The following SRRM4 variants were observed in gnomAD, a reference collection of about 807,000 sequenced individuals.
The protein encoded by SRRM4 is serine/arginine repetitive matrix 4, also known as serine/arginine repetitive matrix protein 4.
SRRM4 carries 33 observed loss-of-function variants against 68.9 expected under a neutral mutation model. The observed-to-expected ratio is 0.48, with a 90% CI of 0.36 to 0.64. SRRM4 has a LOEUF of 0.64. SRRM4 is among the 30% of genes least tolerant of loss of function. The probability of loss-of-function intolerance (pLI) is 0.00; values close to 1 mark genes in which losing one functional copy is unlikely to be tolerated. For synonymous variants in SRRM4, 318 were observed against 318.8 expected (o/e 1.00, Z 0.03); for missense variants, 817 against 827.1 (o/e 0.99, Z 0.15).
At chr12:119,112,594 A>C (rs1213653886) in intron 2 of SRRM4, among the ~76,000 whole-genome samples, 1 of 152,254 alleles carries the variant, frequency 6.6e-6, no homozygotes, top group Non-Finnish European at 1.5e-5. Context: ...TGTGGTATAC[A>C]TATACCATGG....
intron 1 of SRRM4, among the ~76,000 whole-genome samples, chr12:119,003,870 C>A (rs1168673087): frequency 6.6e-6 from 1 of 152,034 alleles, no homozygotes; most frequent in African/African-American, 2.4e-5. Flanking sequence ...TTTCTTCTCT[C>A]TATAGACGAT....
At chr12:118,997,082 A>G (rs1312304785) in intron 1 of SRRM4, among the ~76,000 whole-genome samples, 1 of 152,232 alleles carries the variant, frequency 6.6e-6, no homozygotes, top group Non-Finnish European at 1.5e-5. Context: ...TATCCATGAA[A>G]AGGAAAAACC....
rs1242574859 is a variant in SRRM4, at chr12:119,158,705, A to T, written c.*1907A>T. Reference sequence around the variant, plus strand: ...TAAATAACCCTCGTCCCTGCCCAGGAACCCAGACTGGACTTCAGTCTCCCT... The same window carrying T: ...TAAATAACCCTCGTCCCTGCCCAGGTACCCAGACTGGACTTCAGTCTCCCT... On this transcript the variant is annotated 3_prime_UTR_variant, in exon 13 of 13. Coordinates refer to ENST00000267260, the MANE Select transcript of SRRM4 (RefSeq NM_194286.4). 6.6e-6 allele frequency: 1 copy of T among 152,612 alleles called. No individual in the cohort carries two copies. The highest frequency in any genetic ancestry group is 2.1e-4 in the South Asian group (1 of 4,832). The allele number at this position is 152,612 out of a possible 1,614,324, so 9.5% of individuals were successfully genotyped here.
At position 119,072,620 on chromosome 12, in the gene SRRM4, C is replaced by G. The variant is rs1163830818; in HGVS notation, c.132-29616C>G. Among the ~76,000 whole-genome samples the G allele has an allele frequency of 3.7e-5, 3 of 81,426 alleles. No individual in the cohort carries two copies. In the East Asian group the frequency reaches 6.5e-4, roughly 18 times the overall value. The allele number at this position is 81,426 out of a possible 152,430, so 53.4% of individuals were successfully genotyped here. On this transcript the variant is annotated intron_variant, in intron 1 of 12. Coordinates refer to ENST00000267260, the MANE Select transcript of SRRM4 (RefSeq NM_194286.4). ...TCCATTACGCAGGGGCTGTTTTACCCGCAGATTGAACAGAGACGTCGGACA... is the reference window on the plus strand; with the variant it reads ...TCCATTACGCAGGGGCTGTTTTACCGGCAGATTGAACAGAGACGTCGGACA...
intron 1 of SRRM4, among the ~76,000 whole-genome samples, chr12:119,055,112 C>T (rs1254432335): frequency 6.6e-6 from 1 of 152,118 alleles, no homozygotes; most frequent in Non-Finnish European, 1.5e-5. Flanking sequence ...CTCATCATAA[C>T]AAGAGAGAAC....
chr12:119,128,053 G>A (rs1322955054), intron 7 of SRRM4, among the ~76,000 whole-genome samples: 1 of 152,172 alleles, frequency 6.6e-6, no homozygotes, highest in Non-Finnish European at 1.5e-5. Context: ...ATCCCCCCAG[G>A]TGATGTGTGG....
rs184720370 is a variant in SRRM4 at position 119,104,440 on chromosome 12, G to A, written c.278+2058G>A. 4.6e-3 allele frequency among the ~76,000 whole-genome samples: 660 copies of A among 142,610 alleles called. 4 individuals are homozygous for A. The highest frequency in any genetic ancestry group is 0.019 in the Middle Eastern group (5 of 268). The allele number at this position is 142,610 out of a possible 152,430, so 93.6% of individuals were successfully genotyped here. ...TAATGATGATAATAATAATAACAGT[G>A]ATAATAAAAGTAATCATAATTATAT... On this transcript the variant is annotated intron_variant, in intron 2 of 12. Transcript: ENST00000267260.
Position 119,153,563 on chromosome 12 carries a change from T to C in SRRM4, c.1305T>C (p.Tyr435=), listed in dbSNP as rs1223942047. 3 of 1,575,284 alleles carry C rather than the reference T, an allele frequency of 1.9e-6. No homozygotes were observed. Among genetic ancestry groups the C allele is most frequent in the Non-Finnish European group, 2.6e-6 (3 of 1,160,988 alleles). Residue 435 remains tyrosine, a synonymous_variant, in exon 11 of 13, where the codon TAT becomes TAC. Coordinates refer to ENST00000267260, the MANE Select transcript of SRRM4 (RefSeq NM_194286.4). ...GGTCCTACTCCCGCTCTCCCAGCTA[T>C]TCCTCCAAGTCTGGCAAGAGGAGCC... ...EKRSYSRSPS[Y]SSKSGKRSPP...
intron 10 of SRRM4, among the ~76,000 whole-genome samples, chr12:119,152,065 TA>T: frequency 6.6e-6 from 1 of 152,288 alleles, no homozygotes. Context: ...TCATGTAGAA[TA>T]ATAATGTAGC....
At chr12:119,121,845 C>G (rs900962468) in intron 5 of SRRM4, among the ~76,000 whole-genome samples, 12 of 152,200 alleles carry the variant, frequency 7.9e-5, no homozygotes, top group African/African-American at 2.7e-4. Context: ...CAAAGCTGAG[C>G]TTGGCATCCT....
chr12:119,015,833 C>T (rs1953477665), intron 1 of SRRM4, among the ~76,000 whole-genome samples: 1 of 152,052 alleles, frequency 6.6e-6, no homozygotes, highest in Admixed American at 6.5e-5. Flanking sequence ...ATGGTCAAGT[C>T]CTCCTCATTC....
chr12:119,042,711 G>A (rs1486942152), intron 1 of SRRM4, among the ~76,000 whole-genome samples: 1 of 152,052 alleles, frequency 6.6e-6, no homozygotes, highest in Non-Finnish European at 1.5e-5. Context: ...GAGAGTGGTG[G>A]AGGGGAGATT....
At chr12:119,115,391 GCCAACT>G (rs1213803748) in intron 3 of SRRM4, among the ~76,000 whole-genome samples, 7 of 152,112 alleles carry the variant, frequency 4.6e-5, no homozygotes, top group Non-Finnish European at 1.0e-4. Context: ...TCTCTAGTGT[GCCAACT>G]CCAGAGGGGC....
At chr12:118,984,294 T>C (rs983623419) in intron 1 of SRRM4, among the ~76,000 whole-genome samples, 1 of 152,224 alleles carries the variant, frequency 6.6e-6, no homozygotes, top group Non-Finnish European at 1.5e-5. Flanking sequence ...AAGTACCATG[T>C]TTCCAAAGCT....
intron 1 of SRRM4, among the ~76,000 whole-genome samples, chr12:119,072,578 A>T (rs1172704900): frequency 6.6e-6 from 1 of 151,994 alleles, no homozygotes; most frequent in Non-Finnish European, 1.5e-5. Flanking sequence ...GCTCCGTGAG[A>T]TAAGGAGATT....
intron 1 of SRRM4, among the ~76,000 whole-genome samples, chr12:119,068,720 G>A (rs1953860660): frequency 6.6e-6 from 1 of 152,020 alleles, no homozygotes; most frequent in South Asian, 2.1e-4. Flanking sequence ...CTCCATCTCG[G>A]TGTCAGAAAC....
At chr12:119,155,797 TC>T (rs1954467902) in intron 12 of SRRM4, among the ~76,000 whole-genome samples, 1 of 152,118 alleles carries the variant, frequency 6.6e-6, no homozygotes, top group Non-Finnish European at 1.5e-5. Flanking sequence ...CTAAACCCAC[TC>T]CCTTGATCCA....
At chr12:119,052,764 G>T (rs549621002) in intron 1 of SRRM4, among the ~76,000 whole-genome samples, 30 of 152,202 alleles carry the variant, frequency 2.0e-4, no homozygotes, top group Admixed American at 1.5e-3. Context: ...TCCTGACCTC[G>T]TGATCTGCCC....
intron 1 of SRRM4, among the ~76,000 whole-genome samples, chr12:119,018,493 T>A (rs118012016): frequency 1.8e-3 from 268 of 152,308 alleles, no homozygotes; most frequent in Non-Finnish European, 2.8e-3. Context: ...TTTTCTTAAC[T>A]GTCATCTTGC....
Sources: gnomAD v4.1 joint callset for allele counts (sites outside exome capture counted in the v4.1 genomes callset) on GRCh38, gnomAD v4.1.1 for gene constraint, MANE v1.5 for transcripts, NCBI Gene and HGNC (gene_info 2026-07-23, HGNC 2026-07-21) for gene names.